SCAPER: variants seen among roughly 807,000 people sequenced by gnomAD.
The protein encoded by SCAPER is S phase cyclin A-associated protein in the endoplasmic reticulum.
A neutral mutation model predicts 182.2 loss-of-function variants in SCAPER; 98 were observed. The observed-to-expected ratio is 0.54, with a 90% confidence interval of 0.46 to 0.64. The LOEUF (loss-of-function observed/expected upper bound fraction) is 0.64. Among genes scored for constraint, SCAPER ranks in the 30% least tolerant of loss-of-function variants. SCAPER has a pLI of 0.00. For missense variants in SCAPER, 1,432 were observed against 1,690.0 expected, an observed-to-expected ratio of 0.85 and a Z score of 2.68; for synonymous variants, 605 against 564.6, an observed-to-expected ratio of 1.07 and a Z score of -1.01.
chr15:76,849,801 T>C (rs1463180650), intron 4 of SCAPER, among the ~76,000 whole-genome samples: 1 of 152,142 alleles, frequency 6.6e-6, no homozygotes, highest in Non-Finnish European at 1.5e-5. Context: ...GGGTGACTTA[T>C]AAAGGAAAGA....
intron 22 of SCAPER, among the ~76,000 whole-genome samples, chr15:76,581,916 A>G (rs373659632): frequency 2.6e-5 from 4 of 152,274 alleles, no homozygotes; most frequent in East Asian, 1.9e-4. Flanking sequence ...TTCAACATTC[A>G]TTCATGATAA....
Position 76,574,304 on chromosome 15 carries a change from G to T in SCAPER, c.2712-20C>A. Reference sequence around the variant, plus strand: ...TGAAGCCTTTAATACCAAATGAAAGGAAAGAATGACATTAATGAAACAGAC... The same window carrying T: ...TGAAGCCTTTAATACCAAATGAAAGTAAAGAATGACATTAATGAAACAGAC... On this transcript the variant is annotated intron_variant, in intron 22 of 31. Transcript: ENST00000563290. 6.2e-7 allele frequency: 1 copy of T among 1,606,976 alleles called. No homozygotes were observed. Among genetic ancestry groups the T allele is most frequent in the Non-Finnish European group, 8.5e-7 (1 of 1,176,480 alleles).
Position 76,702,978 on chromosome 15 carries a change from T to C in SCAPER, c.2272A>G (p.Met758Val). 2.5e-6 allele frequency: 4 copies of C among 1,589,832 alleles called. No homozygotes were observed. Among genetic ancestry groups the C allele is most frequent in the Admixed American group, 3.7e-5 (2 of 54,518 alleles). The change falls in exon 19 of 32, where the codon ATG becomes GTG. Residue 758 changes from methionine (M) to valine (V), a missense_variant. Around this residue, in one of 5 missense-constraint regions of SCAPER, gnomAD observed 718 missense variants for 799.7 expected, o/e 0.90. Transcript: ENST00000563290. ...TCTTTTCTTTGTTCAATCTGTTCCA[T>C]GTGCCTTCGAATACTTTCATCATGC... Reference protein sequence around the residue: ...LKHDESIRRHMEQIEQRKEKA... With the variant: ...LKHDESIRRHVEQIEQRKEKA...
chr15:76,874,741 G>A (rs1280988030), intron 2 of SCAPER, among the ~76,000 whole-genome samples: 1 of 152,174 alleles, frequency 6.6e-6, no homozygotes, highest in East Asian at 1.9e-4. Flanking sequence ...AGGACTGCTT[G>A]AGACCAAGAG....
At chr15:76,561,871 C>T (rs914332312) in intron 23 of SCAPER, among the ~76,000 whole-genome samples, 23 of 147,712 alleles carry the variant, frequency 1.6e-4, no homozygotes, top group African/African-American at 5.5e-4. Flanking sequence ...AGGCCAGGTG[C>T]GGGGTGGCTC....
chr15:76,870,013 G>A (rs1486159124), intron 2 of SCAPER, among the ~76,000 whole-genome samples: 2 of 152,082 alleles, frequency 1.3e-5, no homozygotes. Context: ...ACTATCATAT[G>A]TTCTCCCTCA....
In SCAPER at chr15:76,436,286, T is replaced by C. The variant is rs191158661; in HGVS notation, c.3079-1976A>G. 3.6e-3 allele frequency among the ~76,000 whole-genome samples: 545 copies of C among 152,332 alleles called. 6 individuals carry two copies. Among genetic ancestry groups the C allele is most frequent in the African/African-American group, 0.013 (526 of 41,584 alleles). ...TTTCACCATGTTGGCCAGGCTAGTC[T>C]TGAATTCCCGACTTCAGGTGATCTG... On this transcript the variant is annotated intron_variant, in intron 25 of 31. Transcript: ENST00000563290.
chr15:76,903,104 T>A (rs1050069814), intron 1 of SCAPER, among the ~76,000 whole-genome samples: 2 of 151,404 alleles, frequency 1.3e-5, no homozygotes, highest in African/African-American at 4.9e-5. Flanking sequence ...GAATCTCAAG[T>A]CCCTTCATCT....
intron 25 of SCAPER, among the ~76,000 whole-genome samples, chr15:76,455,164 A>C (rs559234205): frequency 1.3e-5 from 2 of 152,276 alleles, no homozygotes; most frequent in African/African-American, 4.8e-5. Context: ...ACTGCATCCC[A>C]AACATTTTGA....
At chr15:76,702,037 T>C (rs1161946468) in intron 19 of SCAPER, among the ~76,000 whole-genome samples, 172 bp from the exon 20 acceptor site, 1 of 151,528 alleles carries the variant, frequency 6.6e-6, no homozygotes, top group African/African-American at 2.4e-5. Flanking sequence ...AGAAGGCAAA[T>C]GGTTAAAAAA....
At chr15:76,448,194 C>A (rs79171031) in intron 25 of SCAPER, among the ~76,000 whole-genome samples, 1 of 152,006 alleles carries the variant, frequency 6.6e-6, no homozygotes, top group Non-Finnish European at 1.5e-5. Context: ...CTAGAAGTGA[C>A]ATGAAAAGTT....
At chr15:76,898,803 T>C (rs988472652) in intron 1 of SCAPER, among the ~76,000 whole-genome samples, 9 of 152,222 alleles carry the variant, frequency 5.9e-5, no homozygotes, top group African/African-American at 1.9e-4. Context: ...TGGGGTTTCA[T>C]ATTGGGATAC....
intron 21 of SCAPER, among the ~76,000 whole-genome samples, chr15:76,641,868 C>T (rs1221561823): frequency 6.6e-6 from 1 of 152,162 alleles, no homozygotes; most frequent in East Asian, 1.9e-4. Flanking sequence ...ATCATCAATA[C>T]TTTTAAATGA....
At chr15:76,899,807 G>A (rs866320708) in intron 1 of SCAPER, among the ~76,000 whole-genome samples, 11 of 151,054 alleles carry the variant, frequency 7.3e-5, no homozygotes, top group South Asian at 4.2e-4. Context: ...ACCTCTGCCC[G>A]GCCGCCCCGT....
At chr15:76,488,507 T>C (rs2051889777) in intron 24 of SCAPER, among the ~76,000 whole-genome samples, 1 of 152,030 alleles carries the variant, frequency 6.6e-6, no homozygotes, top group African/African-American at 2.4e-5. Context: ...AACATGCCAT[T>C]TCATATCATA....
At chr15:76,865,446 C>T (rs546384563) in intron 2 of SCAPER, among the ~76,000 whole-genome samples, 2 of 151,960 alleles carry the variant, frequency 1.3e-5, no homozygotes, top group Admixed American at 6.6e-5. Context: ...TGACTGAAAA[C>T]GGTTCAAAAC....
Position 76,641,964 on chromosome 15 carries a change from T to G in SCAPER, c.2646-20135A>C, listed in dbSNP as rs551086480. ...ACTTGATTTTAATTCTACCAATTAA[T>G]AGCTATGAAGTTTTAGTCAGGTTAG... is the stretch of plus-strand genomic sequence containing the variant. On this transcript the variant is annotated intron_variant, in intron 21 of 31. Transcript: ENST00000563290. Among the ~76,000 whole-genome samples the G allele has an allele frequency of 4.1e-4, 62 of 152,328 alleles. 1 individual carries two copies. The highest frequency in any genetic ancestry group is 6.8e-3 in the Middle Eastern group (2 of 294).
At chr15:76,883,622 G>A (rs1446813180) in intron 2 of SCAPER, among the ~76,000 whole-genome samples, 190 bp downstream of exon 2, 1 of 152,180 alleles carries the variant, frequency 6.6e-6, no homozygotes. Flanking sequence ...GCAAGCCTGA[G>A]GAGCAGCAGG....
chr15:76,873,326 G>GC (rs1289936645), intron 2 of SCAPER, among the ~76,000 whole-genome samples: 22 of 117,854 alleles, frequency 1.9e-4, no homozygotes, highest in South Asian at 3.2e-4. Flanking sequence ...AGGAAGGAAG[G>GC]AAGGAAGGCA....
Sources: allele counts gnomAD v4.1 joint callset (sites outside exome capture counted in the v4.1 genomes callset), GRCh38; gene constraint gnomAD v4.1.1; regional missense constraint gnomAD v4.1.1; transcripts MANE v1.5; gene names NCBI Gene and HGNC (gene_info 2026-07-23, HGNC 2026-07-21).